Variants in HIVEP2 observed in about 807,000 individuals in gnomAD.
The protein encoded by HIVEP2 is HIVEP zinc finger 2.
In HIVEP2, 14 loss-of-function variants were observed where a neutral mutation model predicts 180.7. The ratio of observed to expected loss-of-function variants is 0.08; its 90% CI spans 0.05 to 0.12. HIVEP2 has a LOEUF of 0.12. Among genes scored for constraint, HIVEP2 ranks in the 10% least tolerant of loss-of-function variants. The pLI, the probability that HIVEP2 is intolerant of heterozygous loss-of-function variation, is 1.00. For missense variants in HIVEP2, 2,579 were observed against 3,008.5 expected (o/e 0.86, Z 3.34); for synonymous variants, 1,184 against 1,136.4 (o/e 1.04, Z -0.84).
Position 142,770,068 on chromosome 6 carries a change from A to G in HIVEP2, c.4671T>C (p.Ser1557=), listed in dbSNP as rs1162697644. ...SRAPLPGQKS[S]GPSESKESSD... ...AAGATTCTTTGCTTTCAGAAGGCCC[A>G]CTGGACTTCTGCCCCGGAAGTGGTG... The change falls in exon 5 of 10, where the codon AGT becomes AGC. Residue 1557 remains serine (S), a synonymous_variant. Transcript: ENST00000367603. This position sits in a 1 kb window ranked among gnomAD's most constrained non-coding sequence, Gnocchi z 4.7. 6.2e-7 allele frequency: 1 copy of G among 1,614,124 alleles called. No individual in the cohort carries two copies. Among genetic ancestry groups the G allele is most frequent in the Non-Finnish European group, 8.5e-7 (1 of 1,180,036 alleles).
chr6:142,807,528 G>T (rs1042092067), intron 2 of HIVEP2, among the ~76,000 whole-genome samples: 2 of 152,160 alleles, frequency 1.3e-5, no homozygotes, highest in Admixed American at 1.3e-4. Flanking sequence ...TATAATGAGT[G>T]TGATATTTCA....
intron 1 of HIVEP2, among the ~76,000 whole-genome samples, chr6:142,851,258 G>A (rs907831965): frequency 6.6e-6 from 1 of 152,186 alleles, no homozygotes; most frequent in Non-Finnish European, 1.5e-5. Flanking sequence ...TTTCACTGTG[G>A]TAAGACTCAG....
In HIVEP2 at chr6:142,771,466, T is replaced by G. The variant is rs1171390463; in HGVS notation, c.3273A>C (p.Glu1091Asp). ...CCATGCCAACCTCGCCCTGGGAGAT[T>G]TCTGGGGAGCCACTGAAGGAAGCTT... ...VRQASFSGSP[E>D]ISQGEVGMDQ... The change falls in exon 5 of 10, where the codon GAA becomes GAC. Residue 1091 changes from glutamate (E) to aspartate (D), a missense_variant. Coordinates refer to ENST00000367603, the MANE Select transcript of HIVEP2 (RefSeq NM_006734.4). The surrounding 1 kb of genome is among the most constrained non-coding windows in gnomAD (Gnocchi z 5.4). The G allele has an allele frequency of 3.7e-6, 6 of 1,613,436 alleles. No homozygotes were observed.
At chr6:142,889,017 T>C (rs1776784390) in intron 1 of HIVEP2, among the ~76,000 whole-genome samples, 2 of 152,206 alleles carry the variant, frequency 1.3e-5, no homozygotes, top group Middle Eastern at 3.2e-3. Context: ...TACACTATCA[T>C]AATTTTTCAT....
At chr6:142,808,174 C>T (rs2114783343) in intron 2 of HIVEP2, among the ~76,000 whole-genome samples, 1 of 152,360 alleles carries the variant, frequency 6.6e-6, no homozygotes, top group Admixed American at 6.5e-5. Context: ...TTGCTCAGGC[C>T]ATGAGCTTGG....
chr6:142,871,672 T>C (rs928107234), intron 1 of HIVEP2, among the ~76,000 whole-genome samples: 3 of 151,994 alleles, frequency 2.0e-5, no homozygotes, highest in African/African-American at 4.8e-5. Context: ...TTTGCATTAA[T>C]ACCCTATTTG....
intron 2 of HIVEP2, among the ~76,000 whole-genome samples, chr6:142,799,419 T>C (rs1164493465): frequency 1.3e-5 from 2 of 152,120 alleles, no homozygotes; most frequent in African/African-American, 2.4e-5. Flanking sequence ...ATATGAATCT[T>C]GTCCATTTCA....
In HIVEP2 at chr6:142,772,827, AGTCATACCCAACCCT is replaced by A. The variant is rs1364815087; in HGVS notation, c.1897_1911del (p.Arg633_Asp637del). 2 of 1,614,094 alleles carry A rather than the reference AGTCATACCCAACCCT, an allele frequency of 1.2e-6. No homozygotes were observed. Among genetic ancestry groups the A allele is most frequent in the African/African-American group, 2.7e-5 (2 of 74,936 alleles). On this transcript the variant is annotated inframe_deletion, in exon 5 of 10. Coordinates refer to ENST00000367603, the MANE Select transcript of HIVEP2 (RefSeq NM_006734.4). The surrounding 1 kb of genome is among the most constrained non-coding windows in gnomAD (Gnocchi z 4.9). The stretch of plus-strand genomic sequence containing the variant: ...TTATAGGGTTTCCGACAGACATCAT[AGTCATACCCAACCCT>A]GTCCCCAGGAGACAATTTCTTTTCC...
chr6:142,852,654 C>T (rs1775714726), intron 1 of HIVEP2, among the ~76,000 whole-genome samples: 2 of 152,182 alleles, frequency 1.3e-5, no homozygotes, highest in African/African-American at 4.8e-5. Flanking sequence ...CACCCTGAAC[C>T]CAGTTTCAAA....
rs562507435 is a variant in HIVEP2, at chr6:142,790,233, C to T, written c.-527-6618G>A. 1.6e-4 allele frequency among the ~76,000 whole-genome samples: 25 copies of T among 152,278 alleles called. No homozygotes were observed. The South Asian group carries it at 3.1e-3, about 19-fold the overall frequency. ...TGTGAAGACATGGTAACACCAACTC[C>T]ACAGGCACTACTTCTTCTGCTGCAT... On this transcript the variant is annotated intron_variant, in intron 2 of 9. Coordinates refer to ENST00000367603, the MANE Select transcript of HIVEP2 (RefSeq NM_006734.4).
intron 1 of HIVEP2, among the ~76,000 whole-genome samples, chr6:142,884,114 A>C (rs1006973299): frequency 6.6e-6 from 1 of 152,212 alleles, no homozygotes; most frequent in African/African-American, 2.4e-5. Context: ...ACAGAATTGT[A>C]AAACAGATAA....
chr6:142,774,828 T>G lies in HIVEP2; in HGVS notation c.-90A>C. 1 of 1,527,946 alleles carries G rather than the reference T, an allele frequency of 6.5e-7. No homozygotes were observed. Among genetic ancestry groups the G allele is most frequent in the East Asian group, 2.3e-5 (1 of 44,282 alleles). The allele number at this position is 1,527,946 out of a possible 1,614,324, so 94.6% of individuals were successfully genotyped here. A position where few individuals can be genotyped will look rare whatever the true frequency, so the allele number is the denominator to read the frequency against. On this transcript the variant is annotated 5_prime_UTR_variant, in exon 5 of 10. Coordinates refer to ENST00000367603, the MANE Select transcript of HIVEP2 (RefSeq NM_006734.4). The surrounding 1 kb of genome is among the most constrained non-coding windows in gnomAD (Gnocchi z 5.1). ...AAAGCTGTGCTTCTTAAAGCTTGGT[T>G]GCTTCCATGTTCCAGGGTGTCTGCA...
chr6:142,892,425 A>G (rs1242511464), intron 1 of HIVEP2, among the ~76,000 whole-genome samples: 3 of 152,112 alleles, frequency 2.0e-5, no homozygotes, highest in Admixed American at 2.0e-4. Context: ...GAAATAAGCA[A>G]CCTGACCCCC....
chr6:142,854,975 T>C (rs1453074641), intron 1 of HIVEP2, among the ~76,000 whole-genome samples: 2 of 152,202 alleles, frequency 1.3e-5, no homozygotes, highest in African/African-American at 4.8e-5. Flanking sequence ...GTAACTTCTT[T>C]CTGGTCCTTT....
intron 1 of HIVEP2, among the ~76,000 whole-genome samples, chr6:142,863,382 T>A (rs1776056078): frequency 6.6e-6 from 1 of 151,972 alleles, no homozygotes; most frequent in Non-Finnish European, 1.5e-5. Context: ...TAAGACTGTT[T>A]TTATTTCAAA....
chr6:142,886,409 C>G (rs1041326591), intron 1 of HIVEP2, among the ~76,000 whole-genome samples: 4 of 152,172 alleles, frequency 2.6e-5, no homozygotes, highest in Admixed American at 6.6e-5. Flanking sequence ...ATATGCATAG[C>G]TACCCTGCAA....
chr6:142,818,202 A>C (rs1582886141), intron 2 of HIVEP2, among the ~76,000 whole-genome samples: 2 of 152,286 alleles, frequency 1.3e-5, no homozygotes, highest in African/African-American at 4.8e-5. Flanking sequence ...CTTCAAACAC[A>C]GCTTTGTATG....
intron 1 of HIVEP2, among the ~76,000 whole-genome samples, chr6:142,936,313 C>G (rs1778053954): frequency 6.6e-6 from 1 of 151,804 alleles, no homozygotes. Context: ...CTGTCTCTGC[C>G]TCCCAAGTAG....
intron 1 of HIVEP2, among the ~76,000 whole-genome samples, chr6:142,855,702 G>T (rs1489555392): frequency 1.3e-5 from 2 of 152,174 alleles, no homozygotes; most frequent in Non-Finnish European, 1.5e-5. Flanking sequence ...TCCCCACTGA[G>T]TTTTTTATGC....
Sources: allele counts gnomAD v4.1 joint callset (sites outside exome capture counted in the v4.1 genomes callset), GRCh38; gene constraint gnomAD v4.1.1; non-coding constraint Gnocchi (gnomAD v3.1); transcripts MANE v1.5; gene names NCBI Gene and HGNC (gene_info 2026-07-23, HGNC 2026-07-21).